Variants in SARDH observed in about 807,000 individuals in gnomAD.
SARDH encodes the protein sarcosine dehydrogenase, mitochondrial.
Under a neutral mutation model 109.1 loss-of-function variants are expected in SARDH, and 95 were observed. That is an observed-to-expected ratio of 0.87 (90% confidence interval 0.74 to 1.03). The LOEUF (loss-of-function observed/expected upper bound fraction) is 1.03, where lower values mean the gene tolerates loss of function less well. Ranked by LOEUF, SARDH falls within the 50% of genes least tolerant of loss-of-function variation. The pLI is 0.00. For missense variants in SARDH, 1,267 were observed against 1,287.8 expected, an observed-to-expected ratio of 0.98 and a Z score of 0.25; for synonymous variants, 572 against 534.8, an observed-to-expected ratio of 1.07 and a Z score of -0.96.
intron 8 of SARDH, 129 bp from the exon 9 acceptor site, chr9:133,713,253 A>T: frequency 2.8e-6 from 2 of 723,018 alleles, no homozygotes; most frequent in South Asian, 1.8e-5. Context: ...TCCCTCCTCT[A>T]GGCCCTGCTC....
At chr9:133,730,474 A>ATTTTTT (rs1188374392) in intron 4 of SARDH, among the ~76,000 whole-genome samples, 2,353 of 116,542 alleles carry the variant, frequency 0.02, 64 homozygotes, top group East Asian at 0.11. Context: ...TTTTTTTAAA[A>ATTTTTT]AAAAAAAGCA....
chr9:133,670,507 G>T (rs1054175776), intron 19 of SARDH, 77 bp downstream of exon 19: 244 of 1,464,094 alleles, frequency 1.7e-4, no homozygotes, highest in Non-Finnish European at 2.2e-4. Context: ...GGCTTTGAGT[G>T]GGGGACCAAG....
chr9:133,671,546 C>T lies in SARDH; in HGVS notation c.2315G>A (p.Ser772Asn), dbSNP rs1444297234. The T allele has an allele frequency of 1.2e-6, 2 of 1,607,722 alleles. No individual in the cohort carries two copies. ...GACCCTGCACTCACCTTTCTCAATG[C>T]TCAGGGAGTCGATGGCGCGGTACCC... is the stretch of plus-strand genomic sequence containing the variant. The part of the protein sequence containing the change: ...NAGYRAIDSL[S>N]IEKGYRHWHA... The change falls in exon 18 of 21, where the codon AGC becomes AAC. Residue 772 changes from serine to asparagine, a missense_variant. Physicochemically the swap from Ser to Asn is conservative, Grantham distance 46 (BLOSUM62 1). Coordinates refer to ENST00000439388, the MANE Select transcript of SARDH (RefSeq NM_001134707.2).
chr9:133,699,909 G>A (rs569159703), intron 13 of SARDH, among the ~76,000 whole-genome samples: 3 of 152,356 alleles, frequency 2.0e-5, no homozygotes, highest in Admixed American at 6.5e-5. Context: ...CACCTGGTAC[G>A]TGGATGTTCA....
intron 20 of SARDH, among the ~76,000 whole-genome samples, chr9:133,665,255 T>C (rs1830023104): frequency 6.6e-6 from 1 of 152,202 alleles, no homozygotes; most frequent in Non-Finnish European, 1.5e-5. Flanking sequence ...GACCCATCCC[T>C]GACTCCGGAG....
chr9:133,670,895 G>C, intron 18 of SARDH, 143 bp from the exon 19 acceptor site: 1 of 1,241,414 alleles, frequency 8.1e-7, no homozygotes. Context: ...GCAGGAGGCA[G>C]GGGCATCCCC....
chr9:133,718,422 C>T lies in SARDH; in HGVS notation c.1020+516G>A, dbSNP rs1026474182. The stretch of plus-strand genomic sequence containing the variant: ...CCACCAAAATATAGGCACCCAGAGT[C>T]AGGGACTTTTATCTTAGTTTCCCTC... On this transcript the variant is annotated intron_variant, in intron 7 of 20. Transcript: ENST00000439388. The surrounding 1 kb of genome is among the most constrained non-coding windows in gnomAD (Gnocchi z 4.2). 3 of 472,128 alleles carry T rather than the reference C, an allele frequency of 6.4e-6. No individual in the cohort carries two copies. The highest frequency in any genetic ancestry group is 1.1e-5 in the Non-Finnish European group (3 of 265,382). 29.2% of individuals were successfully genotyped at this position (472,128 alleles called of 1,614,324 possible). A position where few individuals can be genotyped will look rare whatever the true frequency, so the allele number is the denominator to read the frequency against.
intron 13 of SARDH, among the ~76,000 whole-genome samples, chr9:133,701,794 C>T (rs1056729451): frequency 6.6e-6 from 1 of 152,226 alleles, no homozygotes; most frequent in Non-Finnish European, 1.5e-5. Context: ...GATGTTCCAC[C>T]ACTAGAGCAA....
chr9:133,684,164 CA>C (rs1399005287), intron 17 of SARDH, among the ~76,000 whole-genome samples: 1 of 152,250 alleles, frequency 6.6e-6, no homozygotes, highest in Non-Finnish European at 1.5e-5. Context: ...ATCCTGCCCC[CA>C]GCGGACCCTT....
chr9:133,736,373 GTTT>G, intron 1 of SARDH, among the ~76,000 whole-genome samples: 1 of 137,170 alleles, frequency 7.3e-6, no homozygotes, highest in East Asian at 2.2e-4. Context: ...TTTAAATTCT[GTTT>G]TGTTGTTGTT....
intron 19 of SARDH, 75 bp downstream of exon 19, chr9:133,670,509 G>A (rs1830303792): frequency 1.2e-5 from 18 of 1,477,706 alleles, no homozygotes; most frequent in Non-Finnish European, 1.6e-5. Context: ...CTTTGAGTGG[G>A]GGACCAAGAA....
intron 14 of SARDH, among the ~76,000 whole-genome samples, chr9:133,695,443 A>G (rs970509746): frequency 6.6e-6 from 1 of 152,150 alleles, no homozygotes; most frequent in Non-Finnish European, 1.5e-5. Context: ...ACTCCGTCTC[A>G]AAACAAAACA....
intron 11 of SARDH, among the ~76,000 whole-genome samples, chr9:133,705,560 C>CT (rs1267730449): frequency 1.3e-5 from 2 of 150,544 alleles, no homozygotes; most frequent in African/African-American, 4.9e-5. Context: ...CCCTGAGAAC[C>CT]CCATCTGTAG....
In SARDH at chr9:133,717,423, G is replaced by A. The variant is rs755526485; in HGVS notation, c.1053C>T (p.Asp351=). The part of the protein sequence containing the change: ...VSDKFAFGLF[D]LDWEVFTQHI... ...GCTGGGTGAACACCTCCCAGTCCAG[G>A]TCAAAGAGGCCGAAGGCAAACTTGT... is the stretch of plus-strand genomic sequence containing the variant. The change falls in exon 8 of 21, where the codon GAC becomes GAT. Residue 351 remains aspartate (D), a synonymous_variant. Transcript: ENST00000439388. The A allele has an allele frequency of 6.2e-7, 1 of 1,614,004 alleles. No individual in the cohort carries two copies. The highest frequency in any genetic ancestry group is 8.5e-7 in the Non-Finnish European group (1 of 1,179,998).
chr9:133,675,455 G>A (rs1460924310), intron 17 of SARDH, among the ~76,000 whole-genome samples: 1 of 152,148 alleles, frequency 6.6e-6, no homozygotes, highest in African/African-American at 2.4e-5. Flanking sequence ...ACCCATCAGA[G>A]GCACGCAAAC....
downstream of SARDH, among the ~76,000 whole-genome samples, chr9:133,660,444 T>TTATC (rs1399077405): frequency 5.9e-5 from 9 of 152,140 alleles, no homozygotes; most frequent in Admixed American, 2.6e-4. Context: ...GTGGGGGATT[T>TTATC]TATCTAAAAT....
At position 133,709,412 on chromosome 9, in the gene SARDH, C is replaced by T. The variant is rs985681671; in HGVS notation, c.1329-984G>A. Among the ~76,000 whole-genome samples, 4 of 152,192 alleles carry T rather than the reference C, an allele frequency of 2.6e-5. No homozygotes were observed. Among genetic ancestry groups the T allele is most frequent in the South Asian group, 2.1e-4 (1 of 4,822 alleles). On this transcript the variant is annotated intron_variant, in intron 10 of 20. Coordinates refer to ENST00000439388, the MANE Select transcript of SARDH (RefSeq NM_001134707.2). The surrounding 1 kb of genome is among the most constrained non-coding windows in gnomAD (Gnocchi z 4.2). ...CCCAGCTGCATCAGGGCCCTGCAGC[C>T]GCCTCCCACGCACAAACCTCCCTGT... is the stretch of plus-strand genomic sequence containing the variant.
rs1446401015 is a variant in SARDH, at chr9:133,692,639, G to A, written c.1921+1619C>T. ...CATGTCCCCCTCCAGGTGTTACGGG[G>A]CCCTTCCTGCCCCCGTCTGGACATA... On this transcript the variant is annotated intron_variant, in intron 15 of 20. Transcript: ENST00000439388. The surrounding 1 kb of genome is among the most constrained non-coding windows in gnomAD (Gnocchi z 5.0). Among the ~76,000 whole-genome samples, 2 of 152,086 alleles carry A rather than the reference G, an allele frequency of 1.3e-5. No homozygotes were observed. Among genetic ancestry groups the A allele is most frequent in the African/African-American group, 4.8e-5 (2 of 41,418 alleles).
chr9:133,671,907 A>G (rs530052185), intron 17 of SARDH, among the ~76,000 whole-genome samples: 4 of 152,302 alleles, frequency 2.6e-5, no homozygotes, highest in African/African-American at 9.6e-5. Context: ...GTAGGGGGTC[A>G]CCTTTGGGAA....
Sources: allele counts gnomAD v4.1 joint callset (sites outside exome capture counted in the v4.1 genomes callset), GRCh38; gene constraint gnomAD v4.1.1; non-coding constraint Gnocchi (gnomAD v3.1); transcripts MANE v1.5; gene names NCBI Gene and HGNC (gene_info 2026-07-23, HGNC 2026-07-21).